Variants in MTNAP1 observed in about 807,000 individuals in gnomAD.
MTNAP1 encodes the protein mitochondrial nucleoid-associated protein 1.
chr17:73,245,383 A>G, the MTNAP1 span: 1 of 1,261,492 alleles, frequency 7.9e-7, no homozygotes. Context: ...ATATAGACAG[A>G]TCTGGTTCTG....
the MTNAP1 span, chr17:73,236,885 T>G: frequency 1.9e-6 from 3 of 1,613,990 alleles, no homozygotes; most frequent in Non-Finnish European, 1.7e-6. Context: ...TTTCCAGAGC[T>G]CTATCCTGGT....
At chr17:73,242,258 C>T in the MTNAP1 span, 159 of 1,586,332 alleles carry the variant, frequency 1.0e-4, no homozygotes, top group Non-Finnish European at 1.3e-4. Context: ...TTTGTTGGAA[C>T]GAAGCTCAAC....
chr17:73,242,757 T>C, the MTNAP1 span: 1 of 639,520 alleles, frequency 1.6e-6, no homozygotes, highest in East Asian at 2.8e-5. Flanking sequence ...TGTTAGCCTT[T>C]ATGTGTTTAA....
chr17:73,236,910 G>A, the MTNAP1 span: 2 of 1,613,806 alleles, frequency 1.2e-6, no homozygotes, highest in Non-Finnish European at 1.7e-6. Flanking sequence ...TTGGACTAGG[G>A]GTGTTGCCAG....
At chr17:73,245,598 G>A in the MTNAP1 span, 3 of 985,260 alleles carry the variant, frequency 3.0e-6, no homozygotes, top group Non-Finnish European at 3.6e-6. Flanking sequence ...TGTTGATACA[G>A]GAAAGTATCT....
At chr17:73,240,353 T>G in the MTNAP1 span, among the ~76,000 whole-genome samples, 218 of 152,270 alleles carry the variant, frequency 1.4e-3, 1 homozygote, top group African/African-American at 5.0e-3. Context: ...ACTATTGAAG[T>G]TGGATCCAGG....
At chr17:73,245,110 G>T in the MTNAP1 span, 9 of 1,526,930 alleles carry the variant, frequency 5.9e-6, no homozygotes, top group Non-Finnish European at 8.2e-6. Flanking sequence ...GCAAAAGATA[G>T]TAACAGTCAT....
the MTNAP1 span, among the ~76,000 whole-genome samples, chr17:73,237,864 G>A: frequency 8.5e-5 from 13 of 152,252 alleles, no homozygotes; most frequent in African/African-American, 3.1e-4. Context: ...GGAAGTGGAG[G>A]CTCAGGAAAT....
the MTNAP1 span, chr17:73,236,784 A>T: frequency 1.2e-6 from 2 of 1,614,178 alleles, no homozygotes; most frequent in South Asian, 1.1e-5. Flanking sequence ...CTTTATGTTC[A>T]GCCCAGCGTC....
At chr17:73,238,726 G>T in the MTNAP1 span, among the ~76,000 whole-genome samples, 1 of 152,258 alleles carries the variant, frequency 6.6e-6, no homozygotes, top group East Asian at 1.9e-4. Context: ...TGGGCAGAGT[G>T]AATTTATCCT....
At chr17:73,235,420 A>C in the MTNAP1 span, 1 of 1,385,922 alleles carries the variant, frequency 7.2e-7, no homozygotes, top group Non-Finnish European at 9.8e-7. Flanking sequence ...ACATAAGTAA[A>C]ATATTGGTAT....
chr17:73,245,370 T>A, the MTNAP1 span: 7 of 1,346,818 alleles, frequency 5.2e-6, no homozygotes, highest in Non-Finnish European at 6.7e-6. Context: ...AAACGTATTA[T>A]TAATATAGAC....
chr17:73,236,604 A>G, the MTNAP1 span: 1 of 1,614,200 alleles, frequency 6.2e-7, no homozygotes, highest in Non-Finnish European at 8.5e-7. Context: ...CAAGTAGTCA[A>G]AGTCTTGCCT....
At chr17:73,235,758 C>G in the MTNAP1 span, 7 of 1,614,052 alleles carry the variant, frequency 4.3e-6, no homozygotes, top group African/African-American at 1.3e-5. Context: ...CAGTGAAGAC[C>G]TTTCCACTGC....
At chr17:73,245,717 C>A in the MTNAP1 span, 1 of 985,226 alleles carries the variant, frequency 1.0e-6, no homozygotes, top group East Asian at 1.1e-4. Flanking sequence ...GATGGGCATT[C>A]GAGTTGCAGG....
the MTNAP1 span, chr17:73,236,430 T>G: frequency 6.2e-7 from 1 of 1,614,058 alleles, no homozygotes; most frequent in Non-Finnish European, 8.5e-7. Context: ...CAGAGAAAAG[T>G]ATGTCTGCAA....
chr17:73,247,429 T>G, the MTNAP1 span: 1 of 1,306,990 alleles, frequency 7.7e-7, no homozygotes, highest in African/African-American at 1.5e-5. Context: ...CTGTAACACC[T>G]AAGTGTAGTG....
the MTNAP1 span, chr17:73,247,512 G>GT: frequency 1.7e-6 from 1 of 593,524 alleles, no homozygotes; most frequent in Middle Eastern, 3.6e-4. Flanking sequence ...AAATAAAGTA[G>GT]TATCACTTGT....
chr17:73,235,500 C>A, the MTNAP1 span: 2 of 1,610,418 alleles, frequency 1.2e-6, no homozygotes, highest in Non-Finnish European at 1.7e-6. Context: ...ATAATCCACC[C>A]AGAATGGAAG....
Sources: allele counts gnomAD v4.1 joint callset (sites outside exome capture counted in the v4.1 genomes callset), GRCh38; gene constraint gnomAD v4.1.1; transcripts MANE v1.5; gene names NCBI Gene and HGNC (gene_info 2026-07-23, HGNC 2026-07-21).